The following KIF1B variants were observed in gnomAD, a reference collection of about 807,000 sequenced individuals.
The protein encoded by KIF1B is kinesin family member 1B, also known as kinesin-like protein KIF1B.
Under a neutral mutation model 241.9 loss-of-function variants are expected in KIF1B, and 76 were observed. The ratio of observed to expected loss-of-function variants is 0.31; its 90% CI spans 0.26 to 0.38. KIF1B has a LOEUF of 0.38. Among genes scored for constraint, KIF1B ranks in the 10% least tolerant of loss-of-function variants. The pLI is 1.00. For missense variants in KIF1B, 1,622 were observed against 2,271.4 expected (o/e 0.71, Z 5.81); for synonymous variants, 750 against 796.7 (o/e 0.94, Z 0.99).
At chr1:10,270,605 A>T (rs1648735285) in intron 7 of KIF1B, among the ~76,000 whole-genome samples, 1 of 152,132 alleles carries the variant, frequency 6.6e-6, no homozygotes, top group Non-Finnish European at 1.5e-5. Context: ...TAGGAGTAGG[A>T]TGATTGAGTC....
chr1:10,311,509 G>C (rs1375676115), intron 22 of KIF1B, among the ~76,000 whole-genome samples: 1 of 151,190 alleles, frequency 6.6e-6, no homozygotes, highest in African/African-American at 2.5e-5. Context: ...CACCGCTCCA[G>C]GCCCCATTTT....
At chr1:10,294,515 T>C (rs992755398) in intron 17 of KIF1B, among the ~76,000 whole-genome samples, 6 of 152,206 alleles carry the variant, frequency 3.9e-5, no homozygotes, top group Non-Finnish European at 8.8e-5. Context: ...TGTCATTTTT[T>C]CCTTGTGCTT....
intron 2 of KIF1B, among the ~76,000 whole-genome samples, chr1:10,240,113 AG>A (rs1182902574): frequency 6.6e-6 from 1 of 152,114 alleles, no homozygotes; most frequent in Non-Finnish European, 1.5e-5. Flanking sequence ...CGTATTGGCC[AG>A]GCTGGTCTTG....
chr1:10,290,072 T>C (rs912286223), intron 15 of KIF1B, among the ~76,000 whole-genome samples: 1 of 152,136 alleles, frequency 6.6e-6, no homozygotes, highest in Non-Finnish European at 1.5e-5. Flanking sequence ...CTTCTCTCTC[T>C]CTCTCTCTGG....
chr1:10,308,012 G>T, intron 22 of KIF1B: 2 of 1,057,822 alleles, frequency 1.9e-6, no homozygotes, highest in Non-Finnish European at 2.3e-6. Context: ...TGCTTTAGGT[G>T]CAGGTTGACA....
intron 1 of KIF1B, chr1:10,211,697 C>G (rs61784582): frequency 6.6e-6 from 1 of 150,760 alleles, no homozygotes; most frequent in African/African-American, 2.5e-5. Context: ...GCTTCCAGAT[C>G]CCTTTTTTTT....
chr1:10,266,448 A>G (rs1410080601), intron 5 of KIF1B, among the ~76,000 whole-genome samples: 1 of 152,206 alleles, frequency 6.6e-6, no homozygotes, highest in Non-Finnish European at 1.5e-5. Flanking sequence ...ACAAGAATTT[A>G]TGAAGTGTAT....
In KIF1B at chr1:10,321,809, C is replaced by A. The variant is rs749823391; in HGVS notation, c.2310C>A (p.Ala770=). 2 of 1,614,002 alleles carry A rather than the reference C, an allele frequency of 1.2e-6. No homozygotes were observed. Among genetic ancestry groups the A allele is most frequent in the African/African-American group, 2.7e-5 (2 of 74,910 alleles). Residue 770 remains alanine (A), a synonymous_variant, in exon 24 of 49, where the codon GCC becomes GCA. Coordinates refer to ENST00000676179, the MANE Select transcript of KIF1B (RefSeq NM_001365951.3). ...TACGGGACTTACTCTGGGGCAATGC[C>A]GTGTACCTAAAGGAGGCCAATGCCA... is the stretch of plus-strand genomic sequence containing the variant. ...TSLRDLLWGN[A]VYLKEANAIS... is the part of the protein sequence containing the mutation.
Position 10,374,577 on chromosome 1 carries a change from C to T in KIF1B, c.5096+112C>T, listed in dbSNP as rs111565319. 4.3e-3 allele frequency: 5,629 copies of T among 1,301,894 alleles called. 18 individuals are homozygous for T. Among genetic ancestry groups the T allele is most frequent in the Middle Eastern group, 5.2e-3 (21 of 4,002 alleles). The allele number at this position is 1,301,894 out of a possible 1,614,324, so 80.6% of individuals were successfully genotyped here. A position where few individuals can be genotyped will look rare whatever the true frequency, so the allele number is the denominator to read the frequency against. ...GTACTGTAGTCTGATGCAATCTGTA[C>T]TGTAGTCTGATGCAAGTTGAGTCTG... On this transcript the variant is annotated intron_variant, in intron 46 of 48. Transcript: ENST00000676179. The surrounding 1 kb of genome is among the most constrained non-coding windows in gnomAD (Gnocchi z 4.3).
intron 1 of KIF1B, chr1:10,231,125 T>G (rs1020600746): frequency 6.6e-6 from 1 of 152,036 alleles, no homozygotes; most frequent in African/African-American, 2.4e-5. Flanking sequence ...GCAGGAGAAT[T>G]GTTGAATCCG....
chr1:10,282,419 T>G lies in KIF1B; in HGVS notation c.1320T>G (p.Thr440=). The G allele has an allele frequency of 6.2e-7, 1 of 1,614,156 alleles. No individual in the cohort carries two copies. Among genetic ancestry groups the G allele is most frequent in the Non-Finnish European group, 8.5e-7 (1 of 1,179,986 alleles). Residue 440 remains threonine (T), a synonymous_variant, in exon 15 of 49, where the codon ACT becomes ACG. Transcript: ENST00000676179. ...HFSTASMGSL[T]SSPSSCSLSS... ...CCACAGCATCCATGGGGTCCCTCACTTCATCCCCATCTTCCTGCTCACTCA... is the reference window on the plus strand; with the variant it reads ...CCACAGCATCCATGGGGTCCCTCACGTCATCCCCATCTTCCTGCTCACTCA...
At chr1:10,342,207 T>C (rs1180869795) in intron 33 of KIF1B, 39 bp downstream of exon 33, 8 of 1,292,226 alleles carry the variant, frequency 6.2e-6, no homozygotes, top group Non-Finnish European at 9.0e-6. Context: ...ATGGTATTGT[T>C]TTGATTTTTA....
intron 37 of KIF1B, among the ~76,000 whole-genome samples, chr1:10,350,665 G>A (rs1182490485): frequency 1.3e-5 from 2 of 152,178 alleles, no homozygotes; most frequent in Non-Finnish European, 2.9e-5. Context: ...GTGGTTTATT[G>A]CCTTCCTTTG....
intron 39 of KIF1B, 61 bp downstream of exon 39, chr1:10,361,104 C>T (rs1402868204): frequency 3.7e-6 from 4 of 1,073,394 alleles, no homozygotes; most frequent in Non-Finnish European, 5.8e-6. Flanking sequence ...GTGCAGGTTA[C>T]AGCAGGAAGT....
intron 1 of KIF1B, among the ~76,000 whole-genome samples, chr1:10,216,688 TA>T (rs1408747043): frequency 1.3e-5 from 2 of 152,144 alleles, no homozygotes; most frequent in Non-Finnish European, 2.9e-5. Context: ...GTTGCTATTA[TA>T]AAATCTGGAC....
chr1:10,273,919 T>C (rs924081958), intron 10 of KIF1B, among the ~76,000 whole-genome samples: 5 of 148,888 alleles, frequency 3.4e-5, no homozygotes, highest in African/African-American at 1.2e-4. Flanking sequence ...ACCCTGGCTT[T>C]CTCCTTAGTA....
chr1:10,220,199 C>T (rs925782251), intron 1 of KIF1B, among the ~76,000 whole-genome samples: 5 of 145,798 alleles, frequency 3.4e-5, no homozygotes, highest in African/African-American at 7.6e-5. Flanking sequence ...AGCGAAACTC[C>T]GTCTCAAAAA....
intron 3 of KIF1B, 48 bp downstream of exon 3, chr1:10,256,371 C>G (rs552135379): frequency 6.3e-6 from 8 of 1,273,568 alleles, no homozygotes; most frequent in South Asian, 5.9e-5. Context: ...CTCCTTTCCT[C>G]TTTCCTTGCC....
At chr1:10,251,368 C>T (rs1265471497) in intron 2 of KIF1B, among the ~76,000 whole-genome samples, 3 of 148,836 alleles carry the variant, frequency 2.0e-5, no homozygotes, top group African/African-American at 7.4e-5. Flanking sequence ...GAGAACAAAG[C>T]GATAAAATCT....
Sources: gnomAD v4.1 joint callset for allele counts (sites outside exome capture counted in the v4.1 genomes callset) on GRCh38, gnomAD v4.1.1 for gene constraint, Gnocchi (gnomAD v3.1) non-coding constraint, MANE v1.5 for transcripts, NCBI Gene and HGNC (gene_info 2026-07-23, HGNC 2026-07-21) for gene names.